Variants in ATPAF2 observed in about 807,000 individuals in gnomAD.
ATPAF2 encodes the protein ATP12 homolog.
A neutral mutation model predicts 36.6 loss-of-function variants in ATPAF2; 30 were observed. That is an observed-to-expected ratio of 0.82 (90% CI 0.61 to 1.11). The LOEUF is 1.11. Among genes scored for constraint, ATPAF2 ranks in the 50% most tolerant of loss-of-function variants. The pLI, the probability that ATPAF2 is intolerant of heterozygous loss-of-function variation, is 0.00. For missense variants in ATPAF2, 321 were observed against 372.3 expected, an observed-to-expected ratio of 0.86 and a Z score of 1.13; for synonymous variants, 140 against 152.6, an observed-to-expected ratio of 0.92 and a Z score of 0.61.
intron 1 of ATPAF2, among the ~76,000 whole-genome samples, chr17:18,033,274 A>ATT (rs2044662225): frequency 6.6e-6 from 1 of 151,504 alleles, no homozygotes; most frequent in South Asian, 2.1e-4. Context: ...GAGGCTGAAA[A>ATT]TCAGTTGAAC....
chr17:18,037,600 C>CAGA (rs149006145), intron 1 of ATPAF2, among the ~76,000 whole-genome samples: 3 of 151,872 alleles, frequency 2.0e-5, no homozygotes, highest in African/African-American at 4.8e-5. Flanking sequence ...CACAAAAAAA[C>CAGA]AGAAGAAGAA....
chr17:18,017,677 C>T (rs192332936), downstream of ATPAF2, among the ~76,000 whole-genome samples: 197 of 152,356 alleles, frequency 1.3e-3, no homozygotes, highest in Middle Eastern at 6.8e-3. Context: ...ACCCAGCATG[C>T]GATCAGTGCC....
intron 1 of ATPAF2, among the ~76,000 whole-genome samples, chr17:18,031,110 C>G (rs2044627589): frequency 6.7e-6 from 1 of 149,876 alleles, no homozygotes; most frequent in Admixed American, 6.7e-5. Flanking sequence ...GTACCTGGGA[C>G]TACAGGTGCC....
chr17:18,018,737 C>T, intron 7 of ATPAF2, 51 bp from the exon 8 acceptor site: 1 of 1,612,876 alleles, frequency 6.2e-7, no homozygotes. Context: ...TGCCTGGCTG[C>T]CTCCTGACCA....
intron 1 of ATPAF2, among the ~76,000 whole-genome samples, chr17:18,036,889 T>C (rs2044710328): frequency 6.6e-6 from 1 of 151,638 alleles, no homozygotes; most frequent in Non-Finnish European, 1.5e-5. Context: ...GTGGCCAACA[T>C]GGTGAAACCC....
At chr17:18,016,394 C>T (rs1035080439), downstream of ATPAF2, 5 of 794,746 alleles carry the variant, frequency 6.3e-6, no homozygotes, top group East Asian at 1.3e-4. Flanking sequence ...TTTCCTAATT[C>T]CTACCTCAAA....
chr17:18,017,718 T>G (rs1364988999), downstream of ATPAF2, among the ~76,000 whole-genome samples: 1 of 152,212 alleles, frequency 6.6e-6, no homozygotes, highest in East Asian at 1.9e-4. Context: ...ATTACCTTAC[T>G]CAGGCTGGCA....
intron 1 of ATPAF2, among the ~76,000 whole-genome samples, chr17:18,029,362 C>A (rs2044594366): frequency 1.3e-5 from 2 of 152,154 alleles, no homozygotes; most frequent in South Asian, 4.1e-4. Context: ...ATGCAGATTC[C>A]CTCAACTGAT....
downstream of ATPAF2, among the ~76,000 whole-genome samples, chr17:18,017,441 CAGG>C (rs1412834629): frequency 2.0e-5 from 3 of 152,330 alleles, no homozygotes; most frequent in African/African-American, 7.2e-5. Context: ...GGCAGGGAAG[CAGG>C]AGGAGAGGCT....
At chr17:18,035,685 T>A (rs2044693616) in intron 1 of ATPAF2, among the ~76,000 whole-genome samples, 1 of 152,236 alleles carries the variant, frequency 6.6e-6, no homozygotes, top group Non-Finnish European at 1.5e-5. Context: ...GCCACTGTAG[T>A]GAAAGTAGCC....
chr17:18,035,786 CTACA>C (rs1291712076), intron 1 of ATPAF2, among the ~76,000 whole-genome samples: 1 of 151,820 alleles, frequency 6.6e-6, no homozygotes, highest in Non-Finnish European at 1.5e-5. Flanking sequence ...GATCTACAGA[CTACA>C]TAATCTCCCT....
intron 1 of ATPAF2, among the ~76,000 whole-genome samples, chr17:18,037,364 C>T (rs1280125158): frequency 2.0e-5 from 3 of 152,058 alleles, no homozygotes; most frequent in Admixed American, 6.6e-5. Context: ...CCGAGGTGGG[C>T]GGGTCACAAA....
chr17:18,032,149 C>G (rs1211363670), intron 1 of ATPAF2, among the ~76,000 whole-genome samples: 2 of 152,214 alleles, frequency 1.3e-5, no homozygotes, highest in Non-Finnish European at 2.9e-5. Context: ...CTTCCCATGT[C>G]AGCAGGAAGA....
At chr17:18,016,068 T>C, downstream of ATPAF2, 1 of 1,613,438 alleles carries the variant, frequency 6.2e-7, no homozygotes. Flanking sequence ...CACCAGCTTT[T>C]TGTCGATAAA....
intron 1 of ATPAF2, among the ~76,000 whole-genome samples, chr17:18,030,972 C>CTTT (rs1316913316): frequency 3.4e-5 from 3 of 88,450 alleles, no homozygotes; most frequent in Non-Finnish European, 6.5e-5. Flanking sequence ...CGCGCCTGGC[C>CTTT]TTTTTTTTTT....
intron 1 of ATPAF2, among the ~76,000 whole-genome samples, chr17:18,037,315 C>T (rs1381171701): frequency 6.6e-6 from 1 of 151,902 alleles, no homozygotes; most frequent in African/African-American, 2.4e-5. Flanking sequence ...CTTGGCTGGG[C>T]GCGGTGGCTC....
At chr17:18,020,274 A>C (rs1401930749) in intron 7 of ATPAF2, among the ~76,000 whole-genome samples, 1 of 152,240 alleles carries the variant, frequency 6.6e-6, no homozygotes, top group Non-Finnish European at 1.5e-5. Context: ...CCACTAAATC[A>C]AAACTTGTAT....
chr17:18,029,678 C>T (rs1218692519), intron 1 of ATPAF2, among the ~76,000 whole-genome samples: 2 of 151,654 alleles, frequency 1.3e-5, no homozygotes, highest in South Asian at 2.1e-4. Flanking sequence ...GAAACCTCCA[C>T]CTCCTGGGTT....
At chr17:18,026,202 C>T in intron 4 of ATPAF2, 117 bp downstream of exon 4, 2 of 1,035,400 alleles carry the variant, frequency 1.9e-6, no homozygotes, top group South Asian at 1.3e-5. Flanking sequence ...TCAAGTGGGC[C>T]ACCTTCCTTG....
Sources: gnomAD v4.1 joint callset for allele counts (sites outside exome capture counted in the v4.1 genomes callset) on GRCh38, gnomAD v4.1.1 for gene constraint, MANE v1.5 for transcripts, NCBI Gene and HGNC (gene_info 2026-07-23, HGNC 2026-07-21) for gene names.